Variants in THSD7B observed in about 807,000 individuals in gnomAD.
THSD7B encodes thrombospondin type 1 domain containing 7B, also known as thrombospondin type-1 domain-containing protein 7B.
THSD7B carries 138 observed loss-of-function variants against 213.6 expected under a neutral mutation model. The ratio of observed to expected loss-of-function variants is 0.65; its 90% CI spans 0.56 to 0.74. The LOEUF is 0.74. Ranked by LOEUF, THSD7B falls within the 30% of genes least tolerant of loss-of-function variation. The pLI is 0.00. For missense variants in THSD7B, 1,931 were observed against 1,991.5 expected (o/e 0.97, Z 0.58); for synonymous variants, 742 against 687.0 (o/e 1.08, Z -1.25).
chr2:137,355,180 A>G (rs1685100916), intron 12 of THSD7B, among the ~76,000 whole-genome samples: 1 of 152,158 alleles, frequency 6.6e-6, no homozygotes, highest in Non-Finnish European at 1.5e-5. Context: ...AGACATTTTA[A>G]GAGCTTCATA....
intron 2 of THSD7B, among the ~76,000 whole-genome samples, chr2:136,977,208 G>C (rs192079599): frequency 1.1e-3 from 165 of 152,124 alleles, no homozygotes; most frequent in Admixed American, 3.5e-3. Flanking sequence ...GCCCATTCTA[G>C]ATTTTCTAGT....
At chr2:137,618,637 A>T in intron 19 of THSD7B, 130 bp downstream of exon 19, 1 of 785,010 alleles carries the variant, frequency 1.3e-6, no homozygotes, top group Admixed American at 2.6e-5. Context: ...AGTTAGAGTA[A>T]GCGGTGCCAG....
At chr2:136,872,529 CTTTTCTTTTCTCT>C (rs1400186059) in intron 1 of THSD7B, among the ~76,000 whole-genome samples, 1 of 151,806 alleles carries the variant, frequency 6.6e-6, no homozygotes, top group African/African-American at 2.4e-5. Context: ...TTTATTTTTT[CTTTTCTTTTCTCT>C]TTTTCTTTTC....
chr2:137,020,424 T>A (rs1249499928), intron 2 of THSD7B, among the ~76,000 whole-genome samples: 3 of 152,162 alleles, frequency 2.0e-5, no homozygotes, highest in Non-Finnish European at 4.4e-5. Flanking sequence ...AGAAAATTGA[T>A]TGTGCTTATT....
At chr2:137,607,643 A>G (rs1682208737) in intron 17 of THSD7B, among the ~76,000 whole-genome samples, 1 of 152,080 alleles carries the variant, frequency 6.6e-6, no homozygotes, top group Non-Finnish European at 1.5e-5. Context: ...TCCTCTCTCA[A>G]TGCCAAATAA....
chr2:137,068,753 C>A (rs1687424541), intron 3 of THSD7B, among the ~76,000 whole-genome samples: 1 of 151,978 alleles, frequency 6.6e-6, no homozygotes, highest in Non-Finnish European at 1.5e-5. Flanking sequence ...GGATCTGTTT[C>A]CTTTTGGTAG....
chr2:137,041,583 A>G (rs1285783258), intron 2 of THSD7B, among the ~76,000 whole-genome samples: 1 of 150,278 alleles, frequency 6.7e-6, no homozygotes, highest in Non-Finnish European at 1.5e-5. Flanking sequence ...CAAAAACTAC[A>G]TCGTACGTAA....
At chr2:136,913,875 G>A (rs1278135476) in intron 2 of THSD7B, among the ~76,000 whole-genome samples, 1 of 152,232 alleles carries the variant, frequency 6.6e-6, no homozygotes, top group African/African-American at 2.4e-5. Flanking sequence ...GAAATGTGGG[G>A]TTGGAGCCCC....
At chr2:137,505,524 T>C (rs546282031) in intron 15 of THSD7B, among the ~76,000 whole-genome samples, 1 of 152,318 alleles carries the variant, frequency 6.6e-6, no homozygotes, top group African/African-American at 2.4e-5. Context: ...GCCCAACTCA[T>C]AGGCCACTGT....
chr2:137,403,276 A>G (rs1405022918), intron 12 of THSD7B, among the ~76,000 whole-genome samples: 2 of 151,082 alleles, frequency 1.3e-5, no homozygotes, highest in South Asian at 2.1e-4. Flanking sequence ...CACCAGTTCT[A>G]AAAAAAAATA....
At chr2:137,412,461 G>A (rs1000370074) in intron 14 of THSD7B, among the ~76,000 whole-genome samples, 12 of 151,738 alleles carry the variant, frequency 7.9e-5, no homozygotes, top group East Asian at 3.9e-4. Flanking sequence ...TTAGCCGGGC[G>A]TGGTGGCGCA....
chr2:137,519,293 A>T (rs533447361), intron 15 of THSD7B, among the ~76,000 whole-genome samples: 1 of 147,934 alleles, frequency 6.8e-6, no homozygotes, highest in Non-Finnish European at 1.5e-5. Context: ...GGAAAAGGCC[A>T]TTATTATTCA....
intron 1 of THSD7B, among the ~76,000 whole-genome samples, chr2:136,881,880 A>G (rs576870692): frequency 3.9e-5 from 6 of 152,272 alleles, no homozygotes; most frequent in Admixed American, 2.6e-4. Context: ...ATAAAAAGCA[A>G]TTGGGGAAAT....
intron 17 of THSD7B, among the ~76,000 whole-genome samples, chr2:137,602,726 A>G (rs1682099027): frequency 6.6e-6 from 1 of 152,176 alleles, no homozygotes; most frequent in Non-Finnish European, 1.5e-5. Context: ...CACTCTTGGG[A>G]TAACAGAATT....
intron 7 of THSD7B, among the ~76,000 whole-genome samples, chr2:137,210,079 G>C (rs1681067478): frequency 6.6e-6 from 1 of 152,088 alleles, no homozygotes. Context: ...ACCCTGTGAA[G>C]ACTGACACCT....
intron 15 of THSD7B, among the ~76,000 whole-genome samples, chr2:137,519,469 A>G (rs1680138239): frequency 6.6e-6 from 1 of 152,198 alleles, no homozygotes; most frequent in Non-Finnish European, 1.5e-5. Flanking sequence ...TGATTCTAAA[A>G]TGCTTCATTA....
intron 5 of THSD7B, among the ~76,000 whole-genome samples, chr2:137,124,468 C>T (rs1688598689): frequency 6.6e-6 from 1 of 152,110 alleles, no homozygotes; most frequent in Non-Finnish European, 1.5e-5. Context: ...AGGTTCTCTT[C>T]ATAAGAGGAC....
chr2:137,592,037 C>A (rs546068556), intron 17 of THSD7B, among the ~76,000 whole-genome samples: 22 of 151,516 alleles, frequency 1.5e-4, no homozygotes, highest in Non-Finnish European at 2.5e-4. Flanking sequence ...TAATTGGCAT[C>A]TGTTGTATTA....
At chr2:137,449,959 C>A (rs188509896) in intron 14 of THSD7B, among the ~76,000 whole-genome samples, 13 of 152,058 alleles carry the variant, frequency 8.5e-5, no homozygotes. Context: ...ATTATACAGG[C>A]ATGTACAACA....
Sources: allele counts gnomAD v4.1 joint callset (sites outside exome capture counted in the v4.1 genomes callset), GRCh38; gene constraint gnomAD v4.1.1; transcripts MANE v1.5; gene names NCBI Gene and HGNC (gene_info 2026-07-23, HGNC 2026-07-21).